Variants in EPHB2 observed in about 807,000 individuals in gnomAD.
EPHB2 encodes ephrin type-B receptor 2.
Under a neutral mutation model 96.4 loss-of-function variants are expected in EPHB2, and 18 were observed. The ratio of observed to expected loss-of-function variants is 0.19; its 90% CI spans 0.13 to 0.28. The LOEUF (loss-of-function observed/expected upper bound fraction) is 0.28. Ranked by LOEUF, EPHB2 falls within the 10% of genes least tolerant of loss-of-function variation. The pLI, the probability that EPHB2 is intolerant of heterozygous loss-of-function variation, is 1.00. For missense variants in EPHB2, 989 were observed against 1,355.4 expected (o/e 0.73, Z 4.25); for synonymous variants, 506 against 534.1 (o/e 0.95, Z 0.72).
intron 1 of EPHB2, among the ~76,000 whole-genome samples, chr1:22,729,934 A>G (rs1269212779): frequency 2.0e-5 from 3 of 152,248 alleles, no homozygotes; most frequent in African/African-American, 7.2e-5. Flanking sequence ...CACGGCTCTC[A>G]GATGACTGAA....
intron 3 of EPHB2, among the ~76,000 whole-genome samples, chr1:22,839,265 A>G (rs926528253): frequency 9.9e-5 from 15 of 152,228 alleles, no homozygotes; most frequent in Admixed American, 8.5e-4. Flanking sequence ...TTGGAGGGCA[A>G]TCTGAAACTA....
At chr1:22,891,213 G>T (rs1639378057) in intron 6 of EPHB2, 1 of 455,878 alleles carries the variant, frequency 2.2e-6, no homozygotes, top group South Asian at 1.5e-5. Context: ...CAAGAAGTCT[G>T]GCTCCAGCTT....
intron 3 of EPHB2, among the ~76,000 whole-genome samples, chr1:22,791,471 CTTTTTT>C (rs55650452): frequency 1.1e-5 from 1 of 92,888 alleles, no homozygotes; most frequent in East Asian, 7.4e-4. Flanking sequence ...TTCTTTCTTT[CTTTTTT>C]TTTTTTTTTT....
At chr1:22,747,876 G>A (rs983272840) in intron 1 of EPHB2, among the ~76,000 whole-genome samples, 5 of 152,228 alleles carry the variant, frequency 3.3e-5, no homozygotes, top group African/African-American at 1.2e-4. Context: ...GTGACTTTGG[G>A]CAAGTCACTT....
intron 3 of EPHB2, among the ~76,000 whole-genome samples, chr1:22,822,636 G>C (rs1217433114): frequency 6.6e-6 from 1 of 152,244 alleles, no homozygotes; most frequent in East Asian, 1.9e-4. Flanking sequence ...CACCATCACA[G>C]AGCAGGCTGG....
chr1:22,716,086 G>A (rs1033535863), intron 1 of EPHB2, among the ~76,000 whole-genome samples: 1 of 152,168 alleles, frequency 6.6e-6, no homozygotes. Flanking sequence ...ACTCGGGATG[G>A]TAACCCCCCA....
At chr1:22,754,847 GAGGGACAGGTGAGGTGAGGCA>G (rs1295955435) in intron 1 of EPHB2, among the ~76,000 whole-genome samples, 17 of 96,732 alleles carry the variant, frequency 1.8e-4, no homozygotes, top group African/African-American at 4.8e-4. Flanking sequence ...GAGGGGAGGT[GAGGGACAGGTGAGGTGAGGCA>G]AGGGGCAGGT....
intron 3 of EPHB2, among the ~76,000 whole-genome samples, chr1:22,794,644 G>A (rs1644742363): frequency 6.6e-6 from 1 of 152,160 alleles, no homozygotes; most frequent in Non-Finnish European, 1.5e-5. Context: ...ACCCTACAGG[G>A]TTAGATAAGG....
At chr1:22,796,759 C>T (rs528554193) in intron 3 of EPHB2, among the ~76,000 whole-genome samples, 2 of 152,352 alleles carry the variant, frequency 1.3e-5, no homozygotes, top group East Asian at 1.9e-4. Context: ...GAGGCAGGCA[C>T]AGGCTCTTAT....
At chr1:22,800,694 GTGAGTATA>G (rs1375138613) in intron 3 of EPHB2, among the ~76,000 whole-genome samples, 1 of 120,816 alleles carries the variant, frequency 8.3e-6, no homozygotes, top group African/African-American at 2.8e-5. Flanking sequence ...CCCTATCTGT[GTGAGTATA>G]TGTGTGTGTG....
Position 22,902,695 on chromosome 1 carries a change from G to A in EPHB2, c.1766-3292G>A, listed in dbSNP as rs115245415. Among the ~76,000 whole-genome samples, 31 of 152,330 alleles carry A rather than the reference G, an allele frequency of 2.0e-4. No individual in the cohort carries two copies. The South Asian group carries it at 3.7e-3, about 18-fold the overall frequency. On this transcript the variant is annotated intron_variant, in intron 9 of 15. Coordinates refer to ENST00000374630, the MANE Select transcript of EPHB2 (RefSeq NM_017449.5). ...ACAGACACAGCCTCGGTCTTCCTGG[G>A]GAAAAGGGTAAACTAAGCCCTCACG...
intron 3 of EPHB2, among the ~76,000 whole-genome samples, chr1:22,802,629 G>A (rs952271772): frequency 1.1e-4 from 16 of 152,034 alleles, no homozygotes; most frequent in Admixed American, 1.0e-3. Flanking sequence ...TAGCAGAGAT[G>A]TCTCATCCCC....
chr1:22,888,274 C>T (rs1639289379), intron 6 of EPHB2, among the ~76,000 whole-genome samples: 1 of 152,120 alleles, frequency 6.6e-6, no homozygotes. Context: ...AACTCCTGAC[C>T]TCAGGTGATC....
At chr1:22,840,683 A>G (rs1375796659) in intron 3 of EPHB2, among the ~76,000 whole-genome samples, 1 of 151,924 alleles carries the variant, frequency 6.6e-6, no homozygotes, top group Admixed American at 6.6e-5. Context: ...TTGGTCTGGA[A>G]CTCCTGGCCT....
intron 6 of EPHB2, among the ~76,000 whole-genome samples, chr1:22,887,769 G>A (rs1418173358): frequency 6.6e-6 from 1 of 152,180 alleles, no homozygotes; most frequent in African/African-American, 2.4e-5. Flanking sequence ...GGCCACCTGT[G>A]GTCGATGGCC....
At chr1:22,739,318 C>T (rs369130057) in intron 1 of EPHB2, among the ~76,000 whole-genome samples, 2 of 152,116 alleles carry the variant, frequency 1.3e-5, no homozygotes, top group South Asian at 2.1e-4. Context: ...CAGGTTCAAG[C>T]GATTCTCGTG....
chr1:22,778,941 C>A (rs1031664347), intron 1 of EPHB2, among the ~76,000 whole-genome samples: 1 of 152,222 alleles, frequency 6.6e-6, no homozygotes, highest in African/African-American at 2.4e-5. Flanking sequence ...TAGTGTTTGG[C>A]CTCTGGGTCA....
chr1:22,715,383 TG>T (rs1034657719), intron 1 of EPHB2, among the ~76,000 whole-genome samples: 4 of 152,180 alleles, frequency 2.6e-5, no homozygotes, highest in Admixed American at 2.0e-4. Flanking sequence ...CCACTTCTGA[TG>T]GGGGGTGGGG....
At chr1:22,783,316 G>A (rs1412289576) in intron 2 of EPHB2, among the ~76,000 whole-genome samples, 2 of 152,234 alleles carry the variant, frequency 1.3e-5, no homozygotes. Context: ...GACATGGATA[G>A]GAGAGGGGAC....
Sources: allele counts gnomAD v4.1 joint callset (sites outside exome capture counted in the v4.1 genomes callset), GRCh38; gene constraint gnomAD v4.1.1; transcripts MANE v1.5; gene names NCBI Gene and HGNC (gene_info 2026-07-23, HGNC 2026-07-21).